PKN3: variants seen among roughly 807,000 people sequenced by gnomAD.
PKN3 encodes protein kinase N3, also known as serine/threonine-protein kinase N3.
A neutral mutation model predicts 113.1 loss-of-function variants in PKN3; 91 were observed. That is an observed-to-expected ratio of 0.80 (90% CI 0.68 to 0.96). The LOEUF is 0.96. Ranked by LOEUF, PKN3 falls within the 40% of genes least tolerant of loss-of-function variation. PKN3 has a pLI of 0.00. For missense variants in PKN3, 1,052 were observed against 1,202.2 expected (o/e 0.88, Z 1.85); for synonymous variants, 467 against 499.0 (o/e 0.94, Z 0.85).
In PKN3 at chr9:128,715,533, C is replaced by T; in HGVS notation, c.1808+73C>T. 2.5e-6 allele frequency: 3 copies of T among 1,197,746 alleles called. No individual in the cohort carries two copies. Among genetic ancestry groups the T allele is most frequent in the Non-Finnish European group, 3.7e-6 (3 of 812,356 alleles). The allele number at this position is 1,197,746 out of a possible 1,614,324, so 74.2% of individuals were successfully genotyped here. On this transcript the variant is annotated intron_variant, in intron 15 of 21. Coordinates refer to ENST00000291906, the MANE Select transcript of PKN3 (RefSeq NM_013355.5). This position sits in a 1 kb window ranked among gnomAD's most constrained non-coding sequence, Gnocchi z 4.1. ...GGCATCCAGAGGGCAGTTGAAGGTTCCTGGGGCTTTGGAGAGGTGACCCCG... is the reference window on the plus strand; with the variant it reads ...GGCATCCAGAGGGCAGTTGAAGGTTTCTGGGGCTTTGGAGAGGTGACCCCG...
intron 6 of PKN3, 121 bp from the exon 7 acceptor site, chr9:128,712,931 G>A (rs1862220453): frequency 9.7e-7 from 1 of 1,031,054 alleles, no homozygotes; most frequent in East Asian, 2.4e-5. Context: ...GGCCTCAGGT[G>A]GGTACGGTCT....
chr9:128,709,312 G>T (rs1268746569), intron 6 of PKN3, among the ~76,000 whole-genome samples: 1 of 148,404 alleles, frequency 6.7e-6, no homozygotes, highest in Non-Finnish European at 1.5e-5. Flanking sequence ...AAAAAAATTA[G>T]CCAGGTATGA....
intron 18 of PKN3, 144 bp downstream of exon 18, chr9:128,718,769 C>A: frequency 1.4e-6 from 1 of 740,484 alleles, no homozygotes; most frequent in Non-Finnish European, 2.3e-6. Context: ...TTCCAGGGGA[C>A]AGCTGGGCAC....
intron 3 of PKN3, 95 bp downstream of exon 3, chr9:128,705,974 C>T (rs1388721174): frequency 1.5e-5 from 18 of 1,217,926 alleles, no homozygotes; most frequent in Non-Finnish European, 2.0e-5. Context: ...GACACCATTC[C>T]AGCCTGCAGC....
At position 128,714,558 on chromosome 9, in the gene PKN3, A is replaced by G. The variant is rs769403944; in HGVS notation, c.1482-4A>G. The G allele has an allele frequency of 5.0e-6, 6 of 1,199,220 alleles. No homozygotes were observed. The South Asian group carries it at 6.0e-5, about 12-fold the overall frequency. The allele number at this position is 1,199,220 out of a possible 1,614,324, so 74.3% of individuals were successfully genotyped here. On this transcript the variant is annotated splice_region_variant and splice_polypyrimidine_tract_variant and intron_variant, in intron 11 of 21. Transcript: ENST00000291906. ...TGGGCACTGTGTCTACTTTCTCCCT[A>G]CAGTAATTTCCTGCCCAAGAAGACC... is the stretch of plus-strand genomic sequence containing the variant.
chr9:128,718,229 T>G, intron 16 of PKN3, 96 bp from the exon 17 acceptor site: 1 of 909,082 alleles, frequency 1.1e-6, no homozygotes, highest in East Asian at 2.4e-5. Flanking sequence ...GGCCGGGACA[T>G]CCGGGATCCC....
intron 16 of PKN3, among the ~76,000 whole-genome samples, chr9:128,717,721 A>T (rs1862386209): frequency 8.5e-6 from 1 of 118,136 alleles, no homozygotes; most frequent in Admixed American, 8.7e-5. Flanking sequence ...GACTCCATCT[A>T]AAAAAAAAAA....
Position 128,705,864 on chromosome 9 carries a change from C to T in PKN3, c.396C>T (p.Ala132=), listed in dbSNP as rs1360716146. ...QGAENMTHTC[A]SGTPKERKLL... ...CTGAGAACATGACCCACACGTGCGCCAGTGGCACCCCCAAGGTAAGGCCCC... is the reference window on the plus strand; with the variant it reads ...CTGAGAACATGACCCACACGTGCGCTAGTGGCACCCCCAAGGTAAGGCCCC... The change falls in exon 3 of 22, where the codon GCC becomes GCT. Residue 132 remains alanine, a synonymous_variant. Transcript: ENST00000291906. 1 of 1,597,412 alleles carries T rather than the reference C, an allele frequency of 6.3e-7. No homozygotes were observed. Among genetic ancestry groups the T allele is most frequent in the Middle Eastern group, 1.7e-4 (1 of 6,018 alleles).
intron 1 of PKN3, 151 bp from the exon 2 acceptor site, chr9:128,705,152 G>C: frequency 1.0e-6 from 1 of 977,584 alleles, no homozygotes; most frequent in Non-Finnish European, 1.5e-6. Context: ...TCAGGCCTGA[G>C]CTCTAAGGGG....
In PKN3 at chr9:128,720,152, G is replaced by C. The variant is rs1564379545; in HGVS notation, c.2377-51G>C. The C allele has an allele frequency of 1.3e-6, 2 of 1,579,464 alleles. No individual in the cohort carries two copies. The highest frequency in any genetic ancestry group is 1.7e-6 in the Non-Finnish European group (2 of 1,151,964). Reference sequence around the variant, plus strand: ...AGCGTGCTTGGGGCCTGTGGATGATGGCAGTGCCTGGGGCTGAATGCCCTA... The same window carrying C: ...AGCGTGCTTGGGGCCTGTGGATGATCGCAGTGCCTGGGGCTGAATGCCCTA... On this transcript the variant is annotated intron_variant, in intron 20 of 21. Coordinates refer to ENST00000291906, the MANE Select transcript of PKN3 (RefSeq NM_013355.5). The surrounding 1 kb of genome is among the most constrained non-coding windows in gnomAD (Gnocchi z 5.5).
Position 128,714,255 on chromosome 9 carries a change from C to A in PKN3, c.1371C>A (p.Leu457=), listed in dbSNP as rs762500187. 172 of 1,613,846 alleles carry A rather than the reference C, an allele frequency of 1.1e-4. 1 individual carries two copies. Among genetic ancestry groups the A allele is most frequent in the Middle Eastern group, 4.9e-4 (3 of 6,062 alleles). ...TCGGCATGGCGGCCTGGGGGCGCCT[C>A]GTCATGAACCTGCTGCCCCCCTGCA... ...MNLGMAAWGR[L]VMNLLPPCSS... Residue 457 remains leucine (L), a synonymous_variant, in exon 11 of 22, where the codon CTC becomes CTA. Transcript: ENST00000291906.
chr9:128,718,593 T>G lies in PKN3; in HGVS notation c.2093T>G (p.Leu698Arg). ...CTTCTGCTGGATGCCCAGGGATTCC[T>G]GAAGATCGCAGACTTTGGACTCTGC... The part of the protein sequence containing the change: ...DNLLLDAQGF[L>R]KIADFGLCKE... The change falls in exon 18 of 22, where the codon CTG (leucine) becomes CGG (arginine). Residue 698 changes from leucine (L) to arginine (R), a missense_variant. This residue lies in a region of PKN3 where 333 missense variants were observed against 442.8 expected (regional missense o/e 0.75). Transcript: ENST00000291906. 6.2e-7 allele frequency: 1 copy of G among 1,614,072 alleles called. No homozygotes were observed. The highest frequency in any genetic ancestry group is 8.5e-7 in the Non-Finnish European group (1 of 1,180,000).
Position 128,713,036 on chromosome 9 carries a change from C to T in PKN3, c.836-16C>T, listed in dbSNP as rs1226726874. ...AGATGGCATCTGACAACGCCCCCCGCTCACTCTCCCCACAGGGACACTGCA... is the reference window on the plus strand; with the variant it reads ...AGATGGCATCTGACAACGCCCCCCGTTCACTCTCCCCACAGGGACACTGCA... On this transcript the variant is annotated splice_polypyrimidine_tract_variant and intron_variant, in intron 6 of 21. Coordinates refer to ENST00000291906, the MANE Select transcript of PKN3 (RefSeq NM_013355.5). 1.9e-6 allele frequency: 3 copies of T among 1,580,930 alleles called. No homozygotes were observed. Among genetic ancestry groups the T allele is most frequent in the Non-Finnish European group, 8.6e-7 (1 of 1,160,372 alleles).
At chr9:128,709,202 G>A (rs1589480649) in intron 6 of PKN3, among the ~76,000 whole-genome samples, 2 of 151,466 alleles carry the variant, frequency 1.3e-5, no homozygotes, top group African/African-American at 4.9e-5. Context: ...GGAGAATGGC[G>A]GGAACCCCGG....
chr9:128,708,604 G>A (rs1053605274), intron 6 of PKN3, among the ~76,000 whole-genome samples: 11 of 152,024 alleles, frequency 7.2e-5, no homozygotes, highest in African/African-American at 2.4e-4. Flanking sequence ...CAGCACTTTG[G>A]GAGGCTGAGG....
intron 6 of PKN3, among the ~76,000 whole-genome samples, chr9:128,711,808 A>G (rs1862186308): frequency 6.7e-6 from 1 of 148,630 alleles, no homozygotes; most frequent in Non-Finnish European, 1.5e-5. Context: ...CATGTTGGCC[A>G]GGCTGGTCTC....
chr9:128,702,785 G>C lies in PKN3; in HGVS notation c.-131G>C, dbSNP rs1010975191. The stretch of plus-strand genomic sequence containing the variant: ...TCCCGCGGGCCAGCGGGTCTCGGGA[G>C]GGGGCGCCCGATCCCGCGTCTCCGG... On this transcript the variant is annotated 5_prime_UTR_variant, in exon 1 of 22. Transcript: ENST00000291906. 6 of 694,798 alleles carry C rather than the reference G, an allele frequency of 8.6e-6. No individual in the cohort carries two copies. Among genetic ancestry groups the C allele is most frequent in the Non-Finnish European group, 1.2e-5 (5 of 417,724 alleles). 43.0% of individuals were successfully genotyped at this position (694,798 alleles called of 1,614,324 possible).
chr9:128,717,570 A>C (rs1862381220), intron 16 of PKN3, among the ~76,000 whole-genome samples: 1 of 151,358 alleles, frequency 6.6e-6, no homozygotes, highest in Non-Finnish European at 1.5e-5. Flanking sequence ...TCTACTAAAA[A>C]TACAAAAATT....
rs1554779990 is a variant in PKN3 at position 128,709,298 on chromosome 9, A to AAT, written c.835+1894_835+1895insTA. Reference sequence around the variant, plus strand: ...GACTCTGTCTCAAAAAAAAATAAAAAAATAAAAAAATTAGCCAGGTATGAT... The same window carrying AAT: ...GACTCTGTCTCAAAAAAAAATAAAAAATAATAAAAAAATTAGCCAGGTATGAT... On this transcript the variant is annotated intron_variant, in intron 6 of 21. Coordinates refer to ENST00000291906, the MANE Select transcript of PKN3 (RefSeq NM_013355.5). Among the ~76,000 whole-genome samples the AAT allele has an allele frequency of 1.2e-3, 176 of 145,432 alleles. 11 individuals are homozygous for AAT. Among genetic ancestry groups the AAT allele is most frequent in the South Asian group, 5.8e-3 (27 of 4,618 alleles).
Sources: gnomAD v4.1 joint callset for allele counts (sites outside exome capture counted in the v4.1 genomes callset) on GRCh38, gnomAD v4.1.1 for gene constraint, gnomAD v4.1.1 regional missense constraint, Gnocchi (gnomAD v3.1) non-coding constraint, MANE v1.5 for transcripts, NCBI Gene and HGNC (gene_info 2026-07-23, HGNC 2026-07-21) for gene names.